PAF1: variants seen among roughly 807,000 people sequenced by gnomAD.
PAF1 encodes PAF1 component of Paf1/RNA polymerase II complex.
PAF1 carries 31 observed loss-of-function variants against 68.4 expected under a neutral mutation model. The ratio of observed to expected loss-of-function variants is 0.45; its 90% confidence interval spans 0.34 to 0.61. The LOEUF (loss-of-function observed/expected upper bound fraction) is 0.61, where lower values mean the gene tolerates loss of function less well. Ranked by LOEUF, PAF1 falls within the 20% of genes least tolerant of loss-of-function variation. The probability of loss-of-function intolerance (pLI) is 0.01; values close to 1 mark genes in which losing one functional copy is unlikely to be tolerated. For synonymous variants in PAF1, 256 were observed against 240.5 expected, an observed-to-expected ratio of 1.06 and a Z score of -0.60; for missense variants, 435 against 692.9, an observed-to-expected ratio of 0.63 and a Z score of 4.18.
chr19:39,387,819 G>A (rs1391610582), intron 11 of PAF1, among the ~76,000 whole-genome samples: 5 of 152,242 alleles, frequency 3.3e-5, no homozygotes, highest in South Asian at 2.1e-4. Flanking sequence ...TCTGCCTTGC[G>A]CAAAGGCTCT....
In PAF1 at chr19:39,386,030, T is replaced by C. The variant is rs755954798; in HGVS notation, c.1557A>G (p.Ala519=). The change falls in exon 14 of 14, where the codon GCA becomes GCG. Residue 519 remains alanine, a synonymous_variant. Transcript: ENST00000221265. This position sits in a 1 kb window ranked among gnomAD's most constrained non-coding sequence, Gnocchi z 6.1. ...HSAQEDGSEA[A]ASDSSEADSD... ...TATCAGCTTCACTGGAATCAGAAGC[T>C]GCAGCTTCACTGCCATCCTCCTGGG... The C allele has an allele frequency of 1.2e-6, 2 of 1,613,906 alleles. No individual in the cohort carries two copies. The highest frequency in any genetic ancestry group is 2.2e-5 in the South Asian group (2 of 91,084).
Position 39,388,456 on chromosome 19 carries a change from T to G in PAF1, c.869A>C (p.Lys290Thr), listed in dbSNP as rs368290508. 9 of 1,614,186 alleles carry G rather than the reference T, an allele frequency of 5.6e-6. No individual in the cohort carries two copies. The Admixed American group carries it at 1.3e-4, about 24-fold the overall frequency. The part of the protein sequence containing the change: ...DYAPDDVYDY[K>T]IAREYNWNVK... ...GTTCCAGTTGTACTCCCGAGCAATTTTGTAGTCATACCTGAAGATGAGGGC... is the reference window on the plus strand; with the variant it reads ...GTTCCAGTTGTACTCCCGAGCAATTGTGTAGTCATACCTGAAGATGAGGGC... The change falls in exon 11 of 14, where the codon AAA (lysine) becomes ACA (threonine). Residue 290 changes from lysine (K) to threonine (T), a missense_variant. Transcript: ENST00000221265.
At position 39,385,865 on chromosome 19, in the gene PAF1, ACTTTAT is replaced by A. The variant is rs2078234778; in HGVS notation, c.*120_*125del. 1 of 1,397,248 alleles carries A rather than the reference ACTTTAT, an allele frequency of 7.2e-7. No homozygotes were observed. The highest frequency in any genetic ancestry group is 9.6e-7 in the Non-Finnish European group (1 of 1,042,800). 86.6% of individuals were successfully genotyped at this position (1,397,248 alleles called of 1,614,324 possible). On this transcript the variant is annotated 3_prime_UTR_variant, in exon 14 of 14. Transcript: ENST00000221265. Reference sequence around the variant, plus strand: ...TGGGAGGGGAAGTAAAGAGAAGTTGACTTTATTAACAGCAAAGGTTTGGGGGTGGGG... The same window carrying A: ...TGGGAGGGGAAGTAAAGAGAAGTTGATAACAGCAAAGGTTTGGGGGTGGGG...
At position 39,388,624 on chromosome 19, in the gene PAF1, C is replaced by T; in HGVS notation, c.793G>A (p.Glu265Lys). The change falls in exon 10 of 14, where the codon GAA becomes AAA. Residue 265 changes from glutamate to lysine, a missense_variant. Around this residue, in one of 7 missense-constraint regions of PAF1, gnomAD observed 151 missense variants for 306.3 expected, o/e 0.49. Coordinates refer to ENST00000221265, the MANE Select transcript of PAF1 (RefSeq NM_019088.4). ...CGCTTTCGTTTCTTCAACGTCTCTT[C>T]TACAGGCAGGAAATAGGCCACAAAC... ...NQFVAYFLPV[E>K]ETLKKRKRDQ... The T allele has an allele frequency of 6.2e-7, 1 of 1,614,172 alleles. No homozygotes were observed. The highest frequency in any genetic ancestry group is 8.5e-7 in the Non-Finnish European group (1 of 1,180,030).
In PAF1 at chr19:39,386,374, CACT is replaced by C. The variant is rs2078249463; in HGVS notation, c.1210_1212del (p.Ser404del). 3.1e-6 allele frequency: 5 copies of C among 1,614,174 alleles called. No individual in the cohort carries two copies. The highest frequency in any genetic ancestry group is 3.4e-6 in the Non-Finnish European group (4 of 1,180,030). The stretch of plus-strand genomic sequence containing the variant: ...TGCTCATCTTCACTGCCCTCCTTCT[CACT>C]GCTGCTGCCCTTCTCCTGCTCCTCA... On this transcript the variant is annotated inframe_deletion, in exon 14 of 14. Coordinates refer to ENST00000221265, the MANE Select transcript of PAF1 (RefSeq NM_019088.4). This position sits in a 1 kb window ranked among gnomAD's most constrained non-coding sequence, Gnocchi z 6.1.
At chr19:39,387,662 A>G (rs942051610) in intron 11 of PAF1, among the ~76,000 whole-genome samples, 2 of 152,242 alleles carry the variant, frequency 1.3e-5, no homozygotes, top group Non-Finnish European at 2.9e-5. Context: ...ACTTTGAGCC[A>G]TAAGGGAAGA....
At position 39,389,767 on chromosome 19, in the gene PAF1, T is replaced by G; in HGVS notation, c.171-6A>C. The G allele has an allele frequency of 6.2e-7, 1 of 1,614,092 alleles. No homozygotes were observed. The highest frequency in any genetic ancestry group is 8.5e-7 in the Non-Finnish European group (1 of 1,180,000). ...TGGCTTTGTACTGGACGAACCTGGG[T>G]GGGGAAACACCTATTGTGGTGTTTG... On this transcript the variant is annotated splice_polypyrimidine_tract_variant and splice_region_variant and intron_variant, in intron 3 of 13. Transcript: ENST00000221265. This position sits in a 1 kb window ranked among gnomAD's most constrained non-coding sequence, Gnocchi z 5.3.
At position 39,389,164 on chromosome 19, in the gene PAF1, C is replaced by T; in HGVS notation, c.496G>A (p.Glu166Lys). 6.2e-7 allele frequency: 1 copy of T among 1,614,164 alleles called. No individual in the cohort carries two copies. Reference sequence around the variant, plus strand: ...CTATCCCTGTCTTTGTATATTTCTTCCTCGGTAAACTGCTGCTTCACAGAA... The same window carrying T: ...CTATCCCTGTCTTTGTATATTTCTTTCTCGGTAAACTGCTGCTTCACAGAA... ...GVSVKQQFTEEEIYKDRDSQI... is the reference protein window; with the variant it reads ...GVSVKQQFTEKEIYKDRDSQI... Residue 166 changes from glutamate (E) to lysine (K), a missense_variant, in exon 7 of 14, where the codon GAA becomes AAA. Transcript: ENST00000221265. This position sits in a 1 kb window ranked among gnomAD's most constrained non-coding sequence, Gnocchi z 5.3.
At position 39,389,122 on chromosome 19, in the gene PAF1, C is replaced by T; in HGVS notation, c.538G>A (p.Glu180Lys). 1 of 1,614,178 alleles carries T rather than the reference C, an allele frequency of 6.2e-7. No individual in the cohort carries two copies. The highest frequency in any genetic ancestry group is 1.3e-5 in the African/African-American group (1 of 75,052). ...KDRDSQITAI[E>K]KTFEDAQKSI... is the part of the protein sequence containing the mutation. ...TTCTGGGCATCCTCAAAAGTCTTCTCAATGGCTGTGATCTGGCTATCCCTG... is the reference window on the plus strand; with the variant it reads ...TTCTGGGCATCCTCAAAAGTCTTCTTAATGGCTGTGATCTGGCTATCCCTG... The change falls in exon 7 of 14, where the codon GAG (glutamate) becomes AAG (lysine). Residue 180 changes from glutamate (E) to lysine (K), a missense_variant. Physicochemically the swap from Glu to Lys is moderately conservative, Grantham distance 56. Around this residue, in one of 7 missense-constraint regions of PAF1, gnomAD observed 151 missense variants for 306.3 expected, o/e 0.49. Transcript: ENST00000221265. This position sits in a 1 kb window ranked among gnomAD's most constrained non-coding sequence, Gnocchi z 5.3.
At chr19:39,387,076 CAG>C (rs2078268359) in intron 11 of PAF1, 1 of 535,876 alleles carries the variant, frequency 1.9e-6, no homozygotes, top group Non-Finnish European at 3.4e-6. Flanking sequence ...GGCCATTTAA[CAG>C]GGACACATTC....
rs552477695 is a variant in PAF1 at position 39,385,989 on chromosome 19, A to T, written c.*2T>A. On this transcript the variant is annotated 3_prime_UTR_variant, in exon 14 of 14. Transcript: ENST00000221265. ...CTGAACCAGCCCTGAATGCCCTGGG[A>T]CTCAGTCACTGTCACTATCAGCTTC... 39 of 1,613,328 alleles carry T rather than the reference A, an allele frequency of 2.4e-5. No individual in the cohort carries two copies. The highest frequency in any genetic ancestry group is 3.1e-5 in the Non-Finnish European group (36 of 1,179,998).
rs1026327891 is a variant in PAF1, at chr19:39,389,311, A to G, written c.432T>C (p.Tyr144=). 8.1e-6 allele frequency: 13 copies of G among 1,614,000 alleles called. No homozygotes were observed. The highest frequency in any genetic ancestry group is 8.5e-6 in the Non-Finnish European group (10 of 1,179,964). The part of the protein sequence containing the change: ...TEYISTEFNR[Y]GISNEKPEVK... ...CCTCAGGCTTCTCATTGGAGATGCC[A>G]TAACGGTTGAACTCAGTGGAGATGT... is the stretch of plus-strand genomic sequence containing the variant. The change falls in exon 6 of 14, where the codon TAT becomes TAC. Residue 144 remains tyrosine, a synonymous_variant. Transcript: ENST00000221265. The surrounding 1 kb of genome is among the most constrained non-coding windows in gnomAD (Gnocchi z 5.3).
At chr19:39,387,349 G>C (rs1277704622) in intron 11 of PAF1, 1 of 214,704 alleles carries the variant, frequency 4.7e-6, no homozygotes, top group Non-Finnish European at 1.0e-5. Flanking sequence ...ACTGAAACAT[G>C]CAGTGCATTA....
chr19:39,386,098 T>C lies in PAF1; in HGVS notation c.1489A>G (p.Ser497Gly). ...NGGGQRSRSH[S>G]RSASPFPSGS... Reference sequence around the variant, plus strand: ...CTGGGGAAGGGACTGGCGCTGCGGCTGTGGCTCCGGCTCCGCTGGCCACCC... The same window carrying C: ...CTGGGGAAGGGACTGGCGCTGCGGCCGTGGCTCCGGCTCCGCTGGCCACCC... The change falls in exon 14 of 14, where the codon AGC becomes GGC. Residue 497 changes from serine to glycine, a missense_variant. Ser to Gly is a moderately conservative substitution (Grantham distance 56). This residue lies in a region of PAF1 where 83 missense variants were observed against 99.9 expected (regional missense o/e 0.83). Coordinates refer to ENST00000221265, the MANE Select transcript of PAF1 (RefSeq NM_019088.4). This position sits in a 1 kb window ranked among gnomAD's most constrained non-coding sequence, Gnocchi z 6.1. 1 of 1,614,012 alleles carries C rather than the reference T, an allele frequency of 6.2e-7. No individual in the cohort carries two copies. Among genetic ancestry groups the C allele is most frequent in the Non-Finnish European group, 8.5e-7 (1 of 1,180,008 alleles).
Position 39,389,674 on chromosome 19 carries a change from G to C in PAF1, c.258C>G (p.Leu86=). Residue 86 remains leucine, a synonymous_variant, in exon 4 of 14, where the codon CTC becomes CTG. Transcript: ENST00000221265. The surrounding 1 kb of genome is among the most constrained non-coding windows in gnomAD (Gnocchi z 5.3). ...TEPDLGVTID[L]INPDTYRIDP... ...CGATGCGGTAGGTGTCAGGATTGAT[G>C]AGATCGATGGTGACCCCCAGGTCTG... 6.2e-7 allele frequency: 1 copy of C among 1,614,198 alleles called. No homozygotes were observed. The highest frequency in any genetic ancestry group is 8.5e-7 in the Non-Finnish European group (1 of 1,180,012).
chr19:39,390,431 G>T, intron 1 of PAF1, 142 bp from the exon 2 acceptor site: 1 of 760,836 alleles, frequency 1.3e-6, no homozygotes, highest in Non-Finnish European at 2.2e-6. Context: ...GTGTCCAAAT[G>T]CTTTAATGGA....
At position 39,386,368 on chromosome 19, in the gene PAF1, CCTT is replaced by C. The variant is rs1555726819; in HGVS notation, c.1216_1218del (p.Lys406del). The C allele has an allele frequency of 2.5e-6, 4 of 1,614,072 alleles. No individual in the cohort carries two copies. Among genetic ancestry groups the C allele is most frequent in the African/African-American group, 1.3e-5 (1 of 74,924 alleles). On this transcript the variant is annotated inframe_deletion, in exon 14 of 14. Transcript: ENST00000221265. This position sits in a 1 kb window ranked among gnomAD's most constrained non-coding sequence, Gnocchi z 6.1. Reference sequence around the variant, plus strand: ...CCCGAGTGCTCATCTTCACTGCCCTCCTTCTCACTGCTGCTGCCCTTCTCCTGC... The same window carrying C: ...CCCGAGTGCTCATCTTCACTGCCCTCCTCACTGCTGCTGCCCTTCTCCTGC...
Position 39,389,830 on chromosome 19 carries a change from G to A in PAF1, c.171-69C>T. On this transcript the variant is annotated intron_variant, in intron 3 of 13. Coordinates refer to ENST00000221265, the MANE Select transcript of PAF1 (RefSeq NM_019088.4). The surrounding 1 kb of genome is among the most constrained non-coding windows in gnomAD (Gnocchi z 5.3). ...ACCCCTCACAGCCCTGCTTCCCAGAGGCGGAGCTTCTCTGGGGAGGAACTC... is the reference window on the plus strand; with the variant it reads ...ACCCCTCACAGCCCTGCTTCCCAGAAGCGGAGCTTCTCTGGGGAGGAACTC... 1 of 1,601,744 alleles carries A rather than the reference G, an allele frequency of 6.2e-7. No individual in the cohort carries two copies. Among genetic ancestry groups the A allele is most frequent in the Non-Finnish European group, 8.5e-7 (1 of 1,170,408 alleles).
rs369932597 is a variant in PAF1, at chr19:39,386,503, C to G, written c.1162G>C (p.Glu388Gln). Residue 388 changes from glutamate to glutamine, a missense_variant, in exon 13 of 14, where the codon GAG (glutamate) becomes CAG (glutamine). Glu to Gln is a conservative substitution (Grantham distance 29, BLOSUM62 2). Around this residue, in one of 7 missense-constraint regions of PAF1, gnomAD observed 78 missense variants for 80.6 expected, o/e 0.97. Coordinates refer to ENST00000221265, the MANE Select transcript of PAF1 (RefSeq NM_019088.4). This position sits in a 1 kb window ranked among gnomAD's most constrained non-coding sequence, Gnocchi z 6.1. ...TTACCTGAGCCCCCAGCTTCTTTCT[C>G]TTCTGTCTCCATCTCCTCTTCCTCT... is the stretch of plus-strand genomic sequence containing the variant. ...EEEEEEMETEEKEAGGSDEEQ... is the reference protein window; with the variant it reads ...EEEEEEMETEQKEAGGSDEEQ... 3.7e-6 allele frequency: 6 copies of G among 1,614,070 alleles called. No homozygotes were observed. The African/African-American group carries it at 5.3e-5, about 14-fold the overall frequency.
Sources: gnomAD v4.1 joint callset for allele counts (sites outside exome capture counted in the v4.1 genomes callset) on GRCh38, gnomAD v4.1.1 for gene constraint, gnomAD v4.1.1 regional missense constraint, Gnocchi (gnomAD v3.1) non-coding constraint, MANE v1.5 for transcripts, NCBI Gene and HGNC (gene_info 2026-07-23, HGNC 2026-07-21) for gene names.